NPAS3: variants seen among roughly 807,000 people sequenced by gnomAD.
NPAS3 encodes the protein neuronal PAS domain-containing protein 3.
Under a neutral mutation model 73.1 loss-of-function variants are expected in NPAS3, and 14 were observed. The ratio of observed to expected loss-of-function variants is 0.19; its 90% CI spans 0.13 to 0.30. NPAS3 has a LOEUF of 0.30. Ranked by LOEUF, NPAS3 falls within the 10% of genes least tolerant of loss-of-function variation. The pLI is 1.00. For synonymous variants in NPAS3, 620 were observed against 541.5 expected (o/e 1.14, Z -2.01); for missense variants, 1,096 against 1,250.0 (o/e 0.88, Z 1.86).
chr14:33,128,344 A>G (rs1356555066), intron 2 of NPAS3, among the ~76,000 whole-genome samples: 1 of 152,178 alleles, frequency 6.6e-6, no homozygotes, highest in East Asian at 1.9e-4. Flanking sequence ...TTCTCAATCA[A>G]CAATATAAGT....
chr14:33,627,219 C>T (rs961434979), intron 5 of NPAS3, among the ~76,000 whole-genome samples: 2 of 152,088 alleles, frequency 1.3e-5, no homozygotes, highest in African/African-American at 4.8e-5. Flanking sequence ...ACTAAGATAA[C>T]AAATGTGAGA....
At chr14:33,345,283 C>G (rs918879737) in intron 3 of NPAS3, among the ~76,000 whole-genome samples, 1 of 152,130 alleles carries the variant, frequency 6.6e-6, no homozygotes, top group Non-Finnish European at 1.5e-5. Context: ...AGATATGAAC[C>G]GAATGTGAGA....
chr14:32,975,561 C>T (rs2037630580), intron 1 of NPAS3, among the ~76,000 whole-genome samples: 1 of 152,124 alleles, frequency 6.6e-6, no homozygotes, highest in Non-Finnish European at 1.5e-5. Flanking sequence ...GTTGATGTTG[C>T]CAACAAAGGA....
intron 5 of NPAS3, among the ~76,000 whole-genome samples, chr14:33,589,207 G>A (rs1231248685): frequency 2.0e-5 from 3 of 152,142 alleles, no homozygotes; most frequent in Non-Finnish European, 4.4e-5. Flanking sequence ...TTATGTAGAA[G>A]CAATATAATG....
At chr14:33,263,785 C>T (rs1341302006) in intron 3 of NPAS3, among the ~76,000 whole-genome samples, 2 of 152,130 alleles carry the variant, frequency 1.3e-5, no homozygotes, top group Admixed American at 1.3e-4. Context: ...TTTGTATCCT[C>T]TTTTATTTTG....
At chr14:33,755,981 C>A (rs1459771624) in intron 7 of NPAS3, among the ~76,000 whole-genome samples, 2 of 152,092 alleles carry the variant, frequency 1.3e-5, no homozygotes, top group Non-Finnish European at 2.9e-5. Flanking sequence ...CTGAGGGAGA[C>A]CATTCATCTA....
At chr14:33,773,884 A>G (rs913783043) in intron 7 of NPAS3, among the ~76,000 whole-genome samples, 3 of 152,194 alleles carry the variant, frequency 2.0e-5, no homozygotes, top group Non-Finnish European at 4.4e-5. Context: ...GCCTTTTACA[A>G]TATCAACCCC....
chr14:32,955,601 C>G (rs140360775), intron 1 of NPAS3, among the ~76,000 whole-genome samples: 55 of 152,252 alleles, frequency 3.6e-4, no homozygotes, highest in Non-Finnish European at 6.5e-4. Flanking sequence ...TAGTCTTCTT[C>G]TGTACCTGTC....
intron 5 of NPAS3, among the ~76,000 whole-genome samples, chr14:33,627,093 A>G (rs1210414146): frequency 6.6e-6 from 1 of 152,026 alleles, no homozygotes; most frequent in Non-Finnish European, 1.5e-5. Context: ...TTCAGAGGGG[A>G]TGGAGAGAAA....
intron 2 of NPAS3, among the ~76,000 whole-genome samples, chr14:33,202,857 A>C (rs2046673815): frequency 6.6e-6 from 1 of 152,280 alleles, no homozygotes; most frequent in South Asian, 2.1e-4. Context: ...TCTTTGTTTA[A>C]GCTCAGGGCA....
intron 4 of NPAS3, among the ~76,000 whole-genome samples, chr14:33,493,367 G>A (rs1445382800): frequency 6.6e-6 from 1 of 151,212 alleles, no homozygotes; most frequent in East Asian, 2.0e-4. Context: ...TCTTGCCAGA[G>A]GGAAGAAATT....
At chr14:33,559,716 A>C (rs2055541483) in intron 4 of NPAS3, among the ~76,000 whole-genome samples, 1 of 152,228 alleles carries the variant, frequency 6.6e-6, no homozygotes, top group South Asian at 2.1e-4. Context: ...CATGGAGAAA[A>C]GACGGTCTTA....
At chr14:33,666,110 G>GC (rs1233786789) in intron 5 of NPAS3, among the ~76,000 whole-genome samples, 1 of 152,114 alleles carries the variant, frequency 6.6e-6, no homozygotes, top group African/African-American at 2.4e-5. Flanking sequence ...TAAAAGGAAG[G>GC]GGAAAACGGT....
At chr14:33,044,584 T>TGCCAGGC (rs556164225) in intron 1 of NPAS3, among the ~76,000 whole-genome samples, 329 of 152,220 alleles carry the variant, frequency 2.2e-3, no homozygotes, top group Non-Finnish European at 3.5e-3. Flanking sequence ...CACAAACTTG[T>TGCCAGGC]GCCAGGCTTT....
chr14:33,725,405 A>G (rs2061237175), intron 6 of NPAS3, among the ~76,000 whole-genome samples: 1 of 152,312 alleles, frequency 6.6e-6, no homozygotes, highest in South Asian at 2.1e-4. Flanking sequence ...GGTAAATAAG[A>G]TTGCGAGAAG....
chr14:33,709,133 C>T (rs906149003), intron 6 of NPAS3, among the ~76,000 whole-genome samples: 2 of 152,202 alleles, frequency 1.3e-5, no homozygotes, highest in African/African-American at 4.8e-5. Context: ...TTGTATTCCA[C>T]TCTTCTGCCT....
chr14:33,234,998 C>A (rs887041228), intron 3 of NPAS3, among the ~76,000 whole-genome samples: 1 of 152,014 alleles, frequency 6.6e-6, no homozygotes, highest in South Asian at 2.1e-4. Context: ...TTGTATGTTA[C>A]AAACTAGATA....
chr14:33,577,973 T>C (rs1171771428), intron 5 of NPAS3, among the ~76,000 whole-genome samples: 1 of 152,228 alleles, frequency 6.6e-6, no homozygotes, highest in Non-Finnish European at 1.5e-5. Context: ...CTTTGATCTC[T>C]GATGCAGTGT....
chr14:33,772,278 G>A (rs893887164), intron 7 of NPAS3, among the ~76,000 whole-genome samples: 4 of 152,096 alleles, frequency 2.6e-5, no homozygotes, highest in South Asian at 2.1e-4. Flanking sequence ...CCGTGGTAAC[G>A]GAATCAGAAA....
Sources: allele counts gnomAD v4.1 joint callset (sites outside exome capture counted in the v4.1 genomes callset), GRCh38; gene constraint gnomAD v4.1.1; transcripts MANE v1.5; gene names NCBI Gene and HGNC (gene_info 2026-07-23, HGNC 2026-07-21).